PADI3: variants seen among roughly 807,000 people sequenced by gnomAD.
The protein encoded by PADI3 is peptidyl arginine deiminase 3, also known as protein-arginine deiminase type-3.
Under a neutral mutation model 71.5 loss-of-function variants are expected in PADI3, and 53 were observed. The ratio of observed to expected loss-of-function variants is 0.74; its 90% confidence interval spans 0.59 to 0.93. The LOEUF (loss-of-function observed/expected upper bound fraction) is 0.93, where lower values mean the gene tolerates loss of function less well. Among genes scored for constraint, PADI3 ranks in the 40% least tolerant of loss-of-function variants. The pLI is 0.00. For missense variants in PADI3, 821 were observed against 868.0 expected (o/e 0.95, Z 0.68); for synonymous variants, 361 against 347.5 (o/e 1.04, Z -0.43).
intron 5 of PADI3, among the ~76,000 whole-genome samples, chr1:17,267,592 G>T (rs927837565): frequency 5.9e-5 from 9 of 152,202 alleles, no homozygotes; most frequent in African/African-American, 1.9e-4. Flanking sequence ...AGCACCTGTT[G>T]TGTGTCAGAC....
At chr1:17,279,424 A>G (rs2073373813) in intron 13 of PADI3, among the ~76,000 whole-genome samples, 1 of 152,218 alleles carries the variant, frequency 6.6e-6, no homozygotes, top group Non-Finnish European at 1.5e-5. Flanking sequence ...CAGAGGCCTC[A>G]GCAAGATTGC....
chr1:17,268,886 C>CTTTT (rs34487635), intron 6 of PADI3, among the ~76,000 whole-genome samples: 1 of 132,600 alleles, frequency 7.5e-6, no homozygotes, highest in African/African-American at 2.8e-5. Context: ...CTAAATCTGA[C>CTTTT]TTTTTTTTTT....
chr1:17,258,033 C>A (rs2073049856), intron 1 of PADI3, among the ~76,000 whole-genome samples: 1 of 152,174 alleles, frequency 6.6e-6, no homozygotes, highest in Admixed American at 6.5e-5. Context: ...TGGATCCCAG[C>A]CCGGCCACAG....
intron 13 of PADI3, among the ~76,000 whole-genome samples, chr1:17,279,313 C>T (rs1029063379): frequency 6.6e-6 from 1 of 152,238 alleles, no homozygotes; most frequent in African/African-American, 2.4e-5. Context: ...GTGTGCATCA[C>T]ACGTGTTATC....
At chr1:17,280,014 C>T (rs547438285) in intron 13 of PADI3, among the ~76,000 whole-genome samples, 18 of 152,314 alleles carry the variant, frequency 1.2e-4, no homozygotes, top group East Asian at 9.6e-4. Context: ...CCCAGCTCCC[C>T]GCTAAGCCAA....
chr1:17,282,358 C>G (rs1174409495), intron 15 of PADI3, among the ~76,000 whole-genome samples: 1 of 152,164 alleles, frequency 6.6e-6, no homozygotes, highest in Non-Finnish European at 1.5e-5. Flanking sequence ...TACTTCTTCT[C>G]CCTCTTCTTC....
chr1:17,270,996 C>T lies in PADI3; in HGVS notation c.935+14C>T. 2.5e-6 allele frequency: 4 copies of T among 1,613,432 alleles called. No homozygotes were observed. Among genetic ancestry groups the T allele is most frequent in the Non-Finnish European group, 3.4e-6 (4 of 1,179,368 alleles). ...GTATGTGTGCCGGTGAGTCTTGGGGCAGTGGGTGGTCCCTCTGGCCCCCAG... is the reference window on the plus strand; with the variant it reads ...GTATGTGTGCCGGTGAGTCTTGGGGTAGTGGGTGGTCCCTCTGGCCCCCAG... On this transcript the variant is annotated intron_variant, in intron 8 of 15. Coordinates refer to ENST00000375460, the MANE Select transcript of PADI3 (RefSeq NM_016233.2).
In PADI3 at chr1:17,258,475, A is replaced by G. The variant is rs187156999; in HGVS notation, c.93-1103A>G. On this transcript the variant is annotated intron_variant, in intron 1 of 15. Coordinates refer to ENST00000375460, the MANE Select transcript of PADI3 (RefSeq NM_016233.2). ...GGCTAGGTGGAATGAGGGAAATGCA[A>G]TCTCAGGGCCAGATAACATCACAGA... Among the ~76,000 whole-genome samples the G allele has an allele frequency of 2.0e-4, 31 of 152,356 alleles. 1 individual carries two copies. The highest frequency in any genetic ancestry group is 5.5e-4 in the African/African-American group (23 of 41,586).
chr1:17,278,601 T>C (rs951304936), intron 13 of PADI3, among the ~76,000 whole-genome samples: 2 of 152,138 alleles, frequency 1.3e-5, no homozygotes, highest in African/African-American at 4.8e-5. Flanking sequence ...CTGGCTGGAC[T>C]GGAGTCATCT....
intron 1 of PADI3, among the ~76,000 whole-genome samples, chr1:17,256,332 T>G (rs1404099036): frequency 6.6e-6 from 1 of 152,232 alleles, no homozygotes; most frequent in Non-Finnish European, 1.5e-5. Context: ...CCAGAGAGAC[T>G]AAGTGATTTA....
At chr1:17,281,435 T>C (rs1484116665) in intron 15 of PADI3, among the ~76,000 whole-genome samples, 1 of 26,860 alleles carries the variant, frequency 3.7e-5, no homozygotes, top group African/African-American at 8.5e-5. Flanking sequence ...CTTGTAAATC[T>C]TTTTTTCTTT....
At chr1:17,263,721 C>A (rs1368004116) in intron 3 of PADI3, among the ~76,000 whole-genome samples, 2 of 152,156 alleles carry the variant, frequency 1.3e-5, no homozygotes, top group South Asian at 2.1e-4. Context: ...GAGAAGAAAT[C>A]TGCAATGCAT....
At chr1:17,281,088 A>G (rs1416063866) in intron 15 of PADI3, among the ~76,000 whole-genome samples, 1 of 152,270 alleles carries the variant, frequency 6.6e-6, no homozygotes, top group African/African-American at 2.4e-5. Flanking sequence ...TGCAAAGCAC[A>G]TGGCATCAGC....
intron 11 of PADI3, 95 bp from the exon 12 acceptor site, chr1:17,276,424 A>AG: frequency 7.8e-7 from 1 of 1,286,840 alleles, no homozygotes; most frequent in Non-Finnish European, 1.1e-6. Flanking sequence ...TTTTTTAAAA[A>AG]TCAGATATTG....
intron 10 of PADI3, 63 bp downstream of exon 10, chr1:17,273,510 C>A: frequency 9.1e-7 from 1 of 1,092,914 alleles, no homozygotes; most frequent in East Asian, 2.4e-5. Context: ...GGGGCCACAC[C>A]GGGGTGTGGG....
intron 2 of PADI3, 39 bp downstream of exon 2, chr1:17,259,797 G>A (rs371252594): frequency 3.9e-6 from 6 of 1,545,106 alleles, no homozygotes; most frequent in African/African-American, 1.4e-5. Flanking sequence ...AGGTTTCGAG[G>A]GAGGCAGCTG....
rs2072977050 is a variant in PADI3 at position 17,252,397 on chromosome 1, CTTCTTTT to C, written c.92+3171_92+3177del. ...AGGAAGAAAGCTGCTTTCTTTTCTT[CTTCTTTT>C]TTTTTTTTTTTTGTTGAAGACAGGG... is the stretch of plus-strand genomic sequence containing the variant. On this transcript the variant is annotated intron_variant, in intron 1 of 15. Transcript: ENST00000375460. Among the ~76,000 whole-genome samples, 3 of 62,252 alleles carry C rather than the reference CTTCTTTT, an allele frequency of 4.8e-5. No homozygotes were observed. In the South Asian group the frequency reaches 2.7e-3, roughly 57 times the overall value. 40.8% of individuals were successfully genotyped at this position (62,252 alleles called of 152,430 possible). A position where few individuals can be genotyped will look rare whatever the true frequency, so the allele number is the denominator to read the frequency against.
At chr1:17,275,508 T>C (rs1049013388) in intron 11 of PADI3, among the ~76,000 whole-genome samples, 4 of 151,224 alleles carry the variant, frequency 2.6e-5, no homozygotes, top group African/African-American at 9.7e-5. Flanking sequence ...AGAAAATGCA[T>C]TTAGGTCAAA....
intron 11 of PADI3, 105 bp downstream of exon 11, chr1:17,274,891 G>A: frequency 8.4e-7 from 1 of 1,184,338 alleles, no homozygotes; most frequent in Non-Finnish European, 1.2e-6. Flanking sequence ...AGAGCCAGAA[G>A]CAAGGAATGA....
Sources: allele counts gnomAD v4.1 joint callset (sites outside exome capture counted in the v4.1 genomes callset), GRCh38; gene constraint gnomAD v4.1.1; transcripts MANE v1.5; gene names NCBI Gene and HGNC (gene_info 2026-07-23, HGNC 2026-07-21).